The following ELP2 variants were observed in gnomAD, a reference collection of about 807,000 sequenced individuals.
The protein encoded by ELP2 is elongator complex protein 2.
ELP2 carries 90 observed loss-of-function variants against 119.2 expected under a neutral mutation model. The ratio of observed to expected loss-of-function variants is 0.75; its 90% CI spans 0.64 to 0.90. ELP2 has a LOEUF of 0.90. ELP2 is among the 40% of genes least tolerant of loss of function. The pLI, the probability that ELP2 is intolerant of heterozygous loss-of-function variation, is 0.00. For synonymous variants in ELP2, 339 were observed against 331.0 expected (o/e 1.02, Z -0.26); for missense variants, 921 against 967.8 (o/e 0.95, Z 0.64).
At chr18:36,171,451 C>G (rs1488689033) in intron 21 of ELP2, among the ~76,000 whole-genome samples, 1 of 152,162 alleles carries the variant, frequency 6.6e-6, no homozygotes, top group Non-Finnish European at 1.5e-5. Flanking sequence ...TAGAATTTGA[C>G]TACAGTAGAT....
In ELP2 at chr18:36,174,636, C is replaced by T. The variant is rs749553001; in HGVS notation, c.2476C>T (p.Leu826=). 23 of 1,613,792 alleles carry T rather than the reference C, an allele frequency of 1.4e-5. No individual in the cohort carries two copies. The highest frequency in any genetic ancestry group is 1.8e-5 in the Non-Finnish European group (21 of 1,179,920). Residue 826 remains leucine, a synonymous_variant, in exon 22 of 22, where the codon CTG becomes TTG. Coordinates refer to ENST00000358232, the MANE Select transcript of ELP2 (RefSeq NM_018255.4). ...VKIHRVNKCA[L] ...GATACACAGAGTCAATAAATGTGCA[C>T]TGTAATGGACTTAATAACTACATGC...
intron 12 of ELP2, among the ~76,000 whole-genome samples, chr18:36,156,094 G>C (rs1400055345): frequency 2.0e-5 from 3 of 152,162 alleles, no homozygotes; most frequent in African/African-American, 7.2e-5. Flanking sequence ...ATGTGGTAGA[G>C]AAAATCAGGA....
chr18:36,142,212 A>G, intron 6 of ELP2, 69 bp from the exon 7 acceptor site: 2 of 1,277,620 alleles, frequency 1.6e-6, no homozygotes, highest in Non-Finnish European at 2.3e-6. Context: ...TCTGAGACCA[A>G]ATGATGTCAC....
Position 36,164,685 on chromosome 18 carries a change from T to G in ELP2, c.1954+18T>G, listed in dbSNP as rs766271929. On this transcript the variant is annotated intron_variant, in intron 18 of 21. Transcript: ENST00000358232. ...TGAGTTCGGTAAAACAGCTTCTGAT[T>G]GGGAAAGTTATTAGTGAAACAGTTA... is the stretch of plus-strand genomic sequence containing the variant. 6.2e-7 allele frequency: 1 copy of G among 1,612,010 alleles called. No homozygotes were observed. Among genetic ancestry groups the G allele is most frequent in the Non-Finnish European group, 8.5e-7 (1 of 1,178,236 alleles).
At chr18:36,138,916 C>A in intron 5 of ELP2, 44 bp downstream of exon 5, 1 of 1,362,090 alleles carries the variant, frequency 7.3e-7, no homozygotes, top group Non-Finnish European at 1.1e-6. Context: ...AGTATATTTG[C>A]ATACTGTCAT....
In ELP2 at chr18:36,158,843, T is replaced by G; in HGVS notation, c.1473T>G (p.Ser491Arg). Residue 491 changes from serine (S) to arginine (R), a missense_variant, in exon 14 of 22, where the codon AGT becomes AGG. Coordinates refer to ENST00000358232, the MANE Select transcript of ELP2 (RefSeq NM_018255.4). ...TATATTTTCTATTCTAGCAAGATAG[T>G]GATCTTCCAGAAGGAGCCACTGTCC... ...SLNHVLCNQD[S>R]DLPEGATVPA... 6.3e-7 allele frequency: 1 copy of G among 1,596,916 alleles called. No homozygotes were observed. Among genetic ancestry groups the G allele is most frequent in the African/African-American group, 1.3e-5 (1 of 74,772 alleles).
At position 36,159,975 on chromosome 18, in the gene ELP2, C is replaced by T. The variant is rs780354979; in HGVS notation, c.1648C>T (p.His550Tyr). Residue 550 changes from histidine to tyrosine, a missense_variant, in exon 16 of 22, where the codon CAT becomes TAT. Transcript: ENST00000358232. ...TATTCTAGAGCCTCCCACTGAGGAT[C>T]ATCTTCTGCAGAATACTTTGTGGCC... is the stretch of plus-strand genomic sequence containing the variant. ...SILTEPPTED[H>Y]LLQNTLWPEV... The T allele has an allele frequency of 4.1e-5, 66 of 1,613,966 alleles. No individual in the cohort carries two copies. In the South Asian group the frequency reaches 6.9e-4, roughly 17 times the overall value.
At chr18:36,135,306 G>A (rs1032857173) in intron 2 of ELP2, among the ~76,000 whole-genome samples, 2 of 152,132 alleles carry the variant, frequency 1.3e-5, no homozygotes, top group African/African-American at 4.8e-5. Context: ...CTTTATCGGT[G>A]ATATATAAAA....
chr18:36,172,341 A>G (rs987992602), intron 21 of ELP2, among the ~76,000 whole-genome samples: 1 of 152,326 alleles, frequency 6.6e-6, no homozygotes, highest in East Asian at 1.9e-4. Context: ...CAACCTTCGT[A>G]TATCTGTACT....
At chr18:36,174,048 A>G (rs1386510589) in intron 21 of ELP2, among the ~76,000 whole-genome samples, 1 of 152,292 alleles carries the variant, frequency 6.6e-6, no homozygotes, top group East Asian at 1.9e-4. Flanking sequence ...TAAAAATGCA[A>G]TTCCATCCAC....
At chr18:36,157,719 A>T (rs1265989096) in intron 13 of ELP2, among the ~76,000 whole-genome samples, 1 of 152,212 alleles carries the variant, frequency 6.6e-6, no homozygotes, top group East Asian at 1.9e-4. Context: ...TATACTCAGC[A>T]CCTCATGCTA....
intron 14 of ELP2, among the ~76,000 whole-genome samples, chr18:36,159,478 G>A (rs1346584256): frequency 1.3e-5 from 2 of 152,198 alleles, no homozygotes; most frequent in African/African-American, 4.8e-5. Flanking sequence ...AGTTGGTTGT[G>A]TAGTTTTAAA....
Position 36,154,991 on chromosome 18 carries a change from C to A in ELP2, c.1267C>A (p.Gln423Lys). ...TTTTGCTCCATGGAAGAGAAAAGACCAATCACAGGTAAAATGTCTTATTTA... is the reference window on the plus strand; with the variant it reads ...TTTTGCTCCATGGAAGAGAAAAGACAAATCACAGGTAAAATGTCTTATTTA... ...RLFAPWKRKD[Q>K]SQVTWHEIAR... The change falls in exon 12 of 22, where the codon CAA (glutamine) becomes AAA (lysine). Residue 423 changes from glutamine to lysine, a missense_variant. Physicochemically the swap from Gln to Lys is moderately conservative, Grantham distance 53. Coordinates refer to ENST00000358232, the MANE Select transcript of ELP2 (RefSeq NM_018255.4). 1 of 1,611,832 alleles carries A rather than the reference C, an allele frequency of 6.2e-7. No homozygotes were observed. The highest frequency in any genetic ancestry group is 8.5e-7 in the Non-Finnish European group (1 of 1,177,978).
At position 36,171,073 on chromosome 18, in the gene ELP2, G is replaced by A. The variant is rs779844979; in HGVS notation, c.2237G>A (p.Cys746Tyr). Reference sequence around the variant, plus strand: ...TACGTGGTTGCAGTAGGATTGGAGTGTGGAAAGATTTGCTTATATACCTGG... The same window carrying A: ...TACGTGGTTGCAGTAGGATTGGAGTATGGAAAGATTTGCTTATATACCTGG... The part of the protein sequence containing the change: ...QRYVVAVGLE[C>Y]GKICLYTWKK... The change falls in exon 21 of 22, where the codon TGT becomes TAT. Residue 746 changes from cysteine to tyrosine, a missense_variant. Cys to Tyr is a radical substitution (Grantham distance 194). Transcript: ENST00000358232. 1 of 1,613,836 alleles carries A rather than the reference G, an allele frequency of 6.2e-7. No homozygotes were observed. Among genetic ancestry groups the A allele is most frequent in the Admixed American group, 1.7e-5 (1 of 60,030 alleles).
Position 36,174,728 on chromosome 18 carries a change from G to T in ELP2, c.*87G>T, listed in dbSNP as rs2144848194. ...TCATCTTTACCTTCATAACTGAATTGAGTTTCTGGGTTTTTTTTTTTTTTG... is the reference window on the plus strand; with the variant it reads ...TCATCTTTACCTTCATAACTGAATTTAGTTTCTGGGTTTTTTTTTTTTTTG... On this transcript the variant is annotated 3_prime_UTR_variant, in exon 22 of 22. Transcript: ENST00000358232. 1 of 1,328,408 alleles carries T rather than the reference G, an allele frequency of 7.5e-7. No individual in the cohort carries two copies. 82.3% of individuals were successfully genotyped at this position (1,328,408 alleles called of 1,614,324 possible). A position where few individuals can be genotyped will look rare whatever the true frequency, so the allele number is the denominator to read the frequency against.
intron 12 of ELP2, among the ~76,000 whole-genome samples, chr18:36,155,566 A>C (rs2090547645): frequency 6.6e-6 from 1 of 152,050 alleles, no homozygotes; most frequent in South Asian, 2.1e-4. Flanking sequence ...ACAGTTGGAC[A>C]TTTTATTTTT....
At chr18:36,149,626 A>G (rs1457115715) in intron 11 of ELP2, among the ~76,000 whole-genome samples, 1 of 151,936 alleles carries the variant, frequency 6.6e-6, no homozygotes, top group African/African-American at 2.4e-5. Context: ...TTGGGGAAGA[A>G]AGAAAAAAAA....
rs1392001682 is a variant in ELP2 at position 36,154,943 on chromosome 18, G to C, written c.1219G>C (p.Gly407Arg). The C allele has an allele frequency of 5.0e-6, 8 of 1,613,926 alleles. No individual in the cohort carries two copies. The highest frequency in any genetic ancestry group is 6.8e-6 in the Non-Finnish European group (8 of 1,179,858). ...DPEGEFIITVGTDQTTRLFAP... is the reference protein window; with the variant it reads ...DPEGEFIITVRTDQTTRLFAP... ...AGAAGGAGAATTTATTATCACTGTT[G>C]GTACTGATCAGACAACTAGACTTTT... Residue 407 changes from glycine to arginine, a missense_variant, in exon 12 of 22, where the codon GGT becomes CGT. Gly to Arg is a moderately radical substitution (Grantham distance 125). Coordinates refer to ENST00000358232, the MANE Select transcript of ELP2 (RefSeq NM_018255.4).
intron 11 of ELP2, among the ~76,000 whole-genome samples, chr18:36,149,161 C>T (rs551583872): frequency 3.3e-5 from 5 of 152,204 alleles, no homozygotes; most frequent in Admixed American, 3.3e-4. Context: ...TTACTCTCAG[C>T]TGCTATTTCT....
Sources: gnomAD v4.1 joint callset for allele counts (sites outside exome capture counted in the v4.1 genomes callset) on GRCh38, gnomAD v4.1.1 for gene constraint, MANE v1.5 for transcripts, NCBI Gene and HGNC (gene_info 2026-07-23, HGNC 2026-07-21) for gene names.